ABR: variants seen among roughly 807,000 people sequenced by gnomAD.
ABR encodes active breakpoint cluster region-related protein.
A neutral mutation model predicts 107.2 loss-of-function variants in ABR; 35 were observed. That is an observed-to-expected ratio of 0.33 (90% CI 0.25 to 0.43). The LOEUF (loss-of-function observed/expected upper bound fraction) is 0.43, where lower values mean the gene tolerates loss of function less well. Ranked by LOEUF, ABR falls within the 20% of genes least tolerant of loss-of-function variation. The probability of loss-of-function intolerance (pLI) is 1.00; values close to 1 mark genes in which losing one functional copy is unlikely to be tolerated. For missense variants in ABR, 815 were observed against 1,115.2 expected, an observed-to-expected ratio of 0.73 and a Z score of 3.83; for synonymous variants, 498 against 462.0, an observed-to-expected ratio of 1.08 and a Z score of -1.00.
chr17:1,049,062 G>T (rs1038484768), intron 16 of ABR, among the ~76,000 whole-genome samples: 1 of 152,194 alleles, frequency 6.6e-6, no homozygotes, highest in African/African-American at 2.4e-5. Flanking sequence ...TTGGTGAATA[G>T]CAGCCATCTT....
chr17:1,052,278 C>T (rs1380197053), intron 14 of ABR, among the ~76,000 whole-genome samples: 2 of 151,384 alleles, frequency 1.3e-5, no homozygotes, highest in Non-Finnish European at 2.9e-5. Flanking sequence ...GTGTTTGAGA[C>T]GGGCCATGAA....
chr17:1,064,320 C>T lies in ABR; in HGVS notation c.1182+2757G>A, dbSNP rs868420631. Among the ~76,000 whole-genome samples, 109 of 100,986 alleles carry T rather than the reference C, an allele frequency of 1.1e-3. 4 individuals are homozygous for T. The highest frequency in any genetic ancestry group is 3.5e-3 in the African/African-American group (96 of 27,818). 66.3% of individuals were successfully genotyped at this position (100,986 alleles called of 152,430 possible). A position where few individuals can be genotyped will look rare whatever the true frequency, so the allele number is the denominator to read the frequency against. ...TGAGGGCTATGCATGTTCCTCCAGACGCTGTTGTTATGTGAACTGAGGGCT... is the reference window on the plus strand; with the variant it reads ...TGAGGGCTATGCATGTTCCTCCAGATGCTGTTGTTATGTGAACTGAGGGCT... On this transcript the variant is annotated intron_variant, in intron 10 of 22. Coordinates refer to ENST00000302538, the MANE Select transcript of ABR (RefSeq NM_021962.5).
At position 1,010,872 on chromosome 17, in the gene ABR, G is replaced by T. The variant is rs1042191142; in HGVS notation, c.2102-9C>A. 1 of 1,613,182 alleles carries T rather than the reference G, an allele frequency of 6.2e-7. No individual in the cohort carries two copies. Among genetic ancestry groups the T allele is most frequent in the Non-Finnish European group, 8.5e-7 (1 of 1,179,966 alleles). ...CAGGATGTCCTTGTTATCTGCAGGGGTGGGGCCGAGGTCAGGCAGCCTTAG... is the reference window on the plus strand; with the variant it reads ...CAGGATGTCCTTGTTATCTGCAGGGTTGGGGCCGAGGTCAGGCAGCCTTAG... On this transcript the variant is annotated splice_polypyrimidine_tract_variant and intron_variant, in intron 19 of 22. Transcript: ENST00000302538. The surrounding 1 kb of genome is among the most constrained non-coding windows in gnomAD (Gnocchi z 4.1).
At chr17:1,022,106 C>CAAAA (rs759234729) in intron 16 of ABR, among the ~76,000 whole-genome samples, 3 of 39,232 alleles carry the variant, frequency 7.6e-5, no homozygotes, top group Non-Finnish European at 1.3e-4. Context: ...GACTCTGTCT[C>CAAAA]AAAAAAAAAA....
chr17:1,184,733 G>A (rs1022393927), upstream of ABR, among the ~76,000 whole-genome samples: 2 of 150,692 alleles, frequency 1.3e-5, no homozygotes, highest in Non-Finnish European at 2.9e-5. Context: ...CATTCTCACA[G>A]CTCACTGCAG....
chr17:1,169,990 GTT>G (rs2041647599), intron 1 of ABR, among the ~76,000 whole-genome samples: 10 of 121,998 alleles, frequency 8.2e-5, no homozygotes, highest in South Asian at 2.7e-4. Context: ...TTGTGTTTGT[GTT>G]TGTGTGTGTG....
intron 1 of ABR, among the ~76,000 whole-genome samples, chr17:1,220,289 T>TAA (rs201048012): frequency 1.4e-5 from 2 of 146,264 alleles, no homozygotes; most frequent in African/African-American, 5.0e-5. Context: ...AGACTCCGTC[T>TAA]AAAAAAAAAA....
intron 9 of ABR, among the ~76,000 whole-genome samples, chr17:1,068,035 C>T (rs927283563): frequency 1.3e-5 from 2 of 152,196 alleles, no homozygotes; most frequent in African/African-American, 2.4e-5. Flanking sequence ...AGGGTTCAAG[C>T]GATTCTCCCA....
At chr17:1,086,332 C>T (rs1268347661) in intron 4 of ABR, among the ~76,000 whole-genome samples, 3 of 152,042 alleles carry the variant, frequency 2.0e-5, no homozygotes, top group Admixed American at 6.6e-5. Context: ...TGCTCACAAA[C>T]GGGGGAAGCC....
intron 2 of ABR, among the ~76,000 whole-genome samples, chr17:1,109,300 C>T (rs1363337434): frequency 6.6e-6 from 1 of 151,846 alleles, no homozygotes; most frequent in Non-Finnish European, 1.5e-5. Context: ...CCGGGCAGCC[C>T]CTGACGCCGT....
At chr17:1,094,641 G>A (rs888363944) in intron 3 of ABR, among the ~76,000 whole-genome samples, 1 of 152,214 alleles carries the variant, frequency 6.6e-6, no homozygotes, top group African/African-American at 2.4e-5. Context: ...GAAGTGCTGG[G>A]ATGACAGGTG....
chr17:1,031,852 C>CCCTCCCTCCCTCCCTCCCCGCGCTCG, intron 16 of ABR: 1 of 874,180 alleles, frequency 1.1e-6, no homozygotes, highest in Non-Finnish European at 1.5e-6. Context: ...GCGCTCGCCT[C>CCCTCCCTCCCTCCCTCCCCGCGCTCG]CCTCCCTCCC....
chr17:1,185,654 T>TTAAAAAA (rs2042265927), intron 1 of ABR, among the ~76,000 whole-genome samples: 1 of 39,360 alleles, frequency 2.5e-5, no homozygotes, highest in African/African-American at 9.7e-5. Flanking sequence ...CAGAAAGAAA[T>TTAAAAAA]AAAAAAAAAA....
At position 1,148,471 on chromosome 17, in the gene ABR, C is replaced by T. The variant is rs1288111202; in HGVS notation, c.62-23104G>A. On this transcript the variant is annotated intron_variant, in intron 1 of 22. Transcript: ENST00000302538. This position sits in a 1 kb window ranked among gnomAD's most constrained non-coding sequence, Gnocchi z 4.9. ...GGGAGCTGTTGTTCAATACAGGGGT[C>T]CCCAGCCCCCCCGGGCATGGACCGG... Among the ~76,000 whole-genome samples the T allele has an allele frequency of 1.3e-5, 2 of 152,138 alleles. No individual in the cohort carries two copies. The highest frequency in any genetic ancestry group is 4.8e-5 in the African/African-American group (2 of 41,424).
chr17:1,017,918 A>G (rs2071288639), intron 16 of ABR, among the ~76,000 whole-genome samples: 1 of 150,818 alleles, frequency 6.6e-6, no homozygotes, highest in Non-Finnish European at 1.5e-5. Flanking sequence ...TTATTTTTCT[A>G]GAGACAGGGT....
intron 2 of ABR, among the ~76,000 whole-genome samples, chr17:1,108,661 T>G (rs1234760959): frequency 6.6e-6 from 1 of 152,196 alleles, no homozygotes; most frequent in Non-Finnish European, 1.5e-5. Context: ...GCGGCGAGGC[T>G]CGGGCTGACA....
At chr17:1,186,400 C>CT (rs1306095340) in intron 1 of ABR, among the ~76,000 whole-genome samples, 2 of 152,228 alleles carry the variant, frequency 1.3e-5, no homozygotes, top group African/African-American at 4.8e-5. Flanking sequence ...ATGGGAAGAC[C>CT]TGCTGCCCTG....
chr17:1,056,319 C>T (rs1354386506), intron 13 of ABR, among the ~76,000 whole-genome samples: 1 of 152,112 alleles, frequency 6.6e-6, no homozygotes, highest in Non-Finnish European at 1.5e-5. Flanking sequence ...CTTCTCTCCT[C>T]CACTCAGCCT....
At chr17:1,079,971 G>C (rs143634508) in intron 5 of ABR, among the ~76,000 whole-genome samples, 1 of 151,992 alleles carries the variant, frequency 6.6e-6, no homozygotes, top group Non-Finnish European at 1.5e-5. Flanking sequence ...AGAGATGAGA[G>C]AGGCTGGCAG....
Sources: gnomAD v4.1 joint callset for allele counts (sites outside exome capture counted in the v4.1 genomes callset) on GRCh38, gnomAD v4.1.1 for gene constraint, Gnocchi (gnomAD v3.1) non-coding constraint, MANE v1.5 for transcripts, NCBI Gene and HGNC (gene_info 2026-07-23, HGNC 2026-07-21) for gene names.